The following SYCE1 variants were observed in gnomAD, a reference collection of about 807,000 sequenced individuals.
SYCE1 encodes cancer/testis antigen 76.
Under a neutral mutation model 55.1 loss-of-function variants are expected in SYCE1, and 37 were observed. That is an observed-to-expected ratio of 0.67 (90% CI 0.52 to 0.88). The LOEUF (loss-of-function observed/expected upper bound fraction) is 0.88. Ranked by LOEUF, SYCE1 falls within the 40% of genes least tolerant of loss-of-function variation. The pLI is 0.00. For missense variants in SYCE1, 399 were observed against 416.4 expected (o/e 0.96, Z 0.36); for synonymous variants, 163 against 159.4 (o/e 1.02, Z -0.17).
intron 2 of SYCE1, 97 bp from the exon 3 acceptor site, chr10:133,559,457 T>C (rs41283461): frequency 7.9e-5 from 97 of 1,234,894 alleles, no homozygotes; most frequent in Non-Finnish European, 1.1e-4. Flanking sequence ...ACAGATCTAT[T>C]GAGTACCTCC....
Position 133,558,170 on chromosome 10 carries a change from G to GT in SYCE1, c.315dup (p.Gln106ThrfsTer17), listed in dbSNP as rs763958481. On this transcript the variant is annotated frameshift_variant, in exon 5 of 13. Transcript: ENST00000343131. LOFTEE classifies it high-confidence loss of function. ...GAGACAGGGGAGCGGCAAATACCTT[G>GT]TTTTTTGCTCAAGATCTCCTTCAGG... The GT allele has an allele frequency of 6.8e-6, 11 of 1,614,084 alleles. No homozygotes were observed. The Admixed American group carries it at 1.2e-4, about 17-fold the overall frequency.
downstream of SYCE1, chr10:133,554,737 T>C: frequency 9.3e-7 from 1 of 1,077,842 alleles, no homozygotes; most frequent in Non-Finnish European, 1.4e-6. Context: ...TGTATGCAGG[T>C]GGGTTCCAGA....
At chr10:133,559,958 A>T in intron 2 of SYCE1, 133 bp downstream of exon 2, 2 of 748,836 alleles carry the variant, frequency 2.7e-6, no homozygotes, top group Non-Finnish European at 4.4e-6. Flanking sequence ...TAGTTTAAGT[A>T]ATTAAGTTTT....
At chr10:133,556,935 G>C in intron 7 of SYCE1, 113 bp from the exon 8 acceptor site, 2 of 1,488,664 alleles carry the variant, frequency 1.3e-6, no homozygotes, top group Non-Finnish European at 1.9e-6. Context: ...CATGGTCTCT[G>C]CTCCACTGGG....
chr10:133,566,567 G>T (rs766239767), upstream of SYCE1, among the ~76,000 whole-genome samples: 4 of 124,276 alleles, frequency 3.2e-5, no homozygotes, highest in East Asian at 3.5e-4. Flanking sequence ...CGGGGTAGGG[G>T]TAGGGTTTTA....
In SYCE1 at chr10:133,565,561, G is replaced by C; in HGVS notation, c.-32C>G. 2 of 1,545,758 alleles carry C rather than the reference G, an allele frequency of 1.3e-6. No homozygotes were observed. Among genetic ancestry groups the C allele is most frequent in the Middle Eastern group, 1.7e-4 (1 of 5,978 alleles). On this transcript the variant is annotated 5_prime_UTR_variant, in exon 1 of 13. Coordinates refer to ENST00000343131, the MANE Select transcript of SYCE1 (RefSeq NM_001143764.3). ...TCAGCTCGCCAGCGAGGGTGCCTCGGGAGGGAGCCTCCAGTGGTGATTGGA... is the reference window on the plus strand; with the variant it reads ...TCAGCTCGCCAGCGAGGGTGCCTCGCGAGGGAGCCTCCAGTGGTGATTGGA...
Position 133,555,599 on chromosome 10 carries a change from C to G in SYCE1, c.828G>C (p.Gln276His). Residue 276 changes from glutamine to histidine, a missense_variant and splice_region_variant, in exon 11 of 13, where the codon CAG becomes CAC. Coordinates refer to ENST00000343131, the MANE Select transcript of SYCE1 (RefSeq NM_001143764.3). ...GGGGACAGGGCCTCCACACGCACCT[C>G]TGCCGCTTCTGCTGCTGTTGTTGGC... ...QKCQQQQQKR[Q>H]RLKEELEKHG... The G allele has an allele frequency of 6.2e-7, 1 of 1,604,268 alleles. No homozygotes were observed. Among genetic ancestry groups the G allele is most frequent in the Non-Finnish European group, 8.5e-7 (1 of 1,178,848 alleles).
At chr10:133,555,298 G>T in intron 12 of SYCE1, 53 bp downstream of exon 12, 6 of 1,606,904 alleles carry the variant, frequency 3.7e-6, no homozygotes, top group Non-Finnish European at 5.1e-6. Context: ...CGCCCCTTCC[G>T]CTGTCCCTTC....
intron 1 of SYCE1, 57 bp downstream of exon 1, chr10:133,565,400 T>C: frequency 6.9e-7 from 1 of 1,451,096 alleles, no homozygotes; most frequent in Non-Finnish European, 9.2e-7. Context: ...GCCCCAACCC[T>C]GCCCCGCCTC....
At chr10:133,565,617 AGCGCGCCTGCGCAATGCACTCCTGC>A (rs1851914646), upstream of SYCE1, 5 of 1,368,700 alleles carry the variant, frequency 3.7e-6, no homozygotes, top group Non-Finnish European at 5.0e-6. Flanking sequence ...GACTCCAGGC[AGCGCGCCTGCGCAATGCACTCCTGC>A]GCGCGCCTGG....
rs375785613 is a variant in SYCE1, at chr10:133,557,133, C to T, written c.398G>A (p.Cys133Tyr). The change falls in exon 7 of 13, where the codon TGC (cysteine) becomes TAC (tyrosine). Residue 133 changes from cysteine to tyrosine, a missense_variant. Coordinates refer to ENST00000343131, the MANE Select transcript of SYCE1 (RefSeq NM_001143764.3). ...AHRKHTMLQE[C>Y]KERISALNLQ... ...GTTCAGGGCAGAAATTCTCTCCTTG[C>T]ACTCCTGCAACATGGTGTGCTTCCT... 6.2e-6 allele frequency: 10 copies of T among 1,614,024 alleles called. No homozygotes were observed. The highest frequency in any genetic ancestry group is 1.3e-5 in the African/African-American group (1 of 74,912).
intron 6 of SYCE1, chr10:133,557,562 A>C: frequency 1.9e-6 from 1 of 517,018 alleles, no homozygotes; most frequent in East Asian, 3.4e-5. Context: ...TCAATGCCTA[A>C]ATGAACAGAC....
Position 133,565,517 on chromosome 10 carries a change from A to T in SYCE1, c.13T>A (p.Ser5Thr), listed in dbSNP as rs779961794. MAGR[S>T]LTSKAEPTAG... ...GTGGGCTCGGCCTTCGATGTCAGGG[A>T]CCTCCCCGCCATTTCCTCTCAGCTC... The change falls in exon 1 of 13, where the codon TCC becomes ACC. Residue 5 changes from serine (S) to threonine (T), a missense_variant. Coordinates refer to ENST00000343131, the MANE Select transcript of SYCE1 (RefSeq NM_001143764.3). 20 of 1,547,702 alleles carry T rather than the reference A, an allele frequency of 1.3e-5. No individual in the cohort carries two copies. Among genetic ancestry groups the T allele is most frequent in the Admixed American group, 2.0e-5 (1 of 50,804 alleles).
rs2133616498 is a variant in SYCE1, at chr10:133,556,751, G to A, written c.528+8C>T. The A allele has an allele frequency of 6.4e-7, 1 of 1,559,198 alleles. No homozygotes were observed. The highest frequency in any genetic ancestry group is 1.2e-5 in the South Asian group (1 of 84,714). Reference sequence around the variant, plus strand: ...TGGAAGGGGGAGGAGTGGCTTTGAGGGACTCACGTGGAAGTCCCAGAGGTC... The same window carrying A: ...TGGAAGGGGGAGGAGTGGCTTTGAGAGACTCACGTGGAAGTCCCAGAGGTC... On this transcript the variant is annotated splice_region_variant and intron_variant, in intron 8 of 12. Transcript: ENST00000343131.
chr10:133,557,439 G>A (rs1851713402), intron 6 of SYCE1: 1 of 507,056 alleles, frequency 2.0e-6, no homozygotes. Context: ...GCCAGGGCCT[G>A]GGGCCTCTGG....
chr10:133,555,822 T>C lies in SYCE1; in HGVS notation c.677A>G (p.Asp226Gly). The C allele has an allele frequency of 6.2e-7, 1 of 1,613,736 alleles. No homozygotes were observed. Among genetic ancestry groups the C allele is most frequent in the Non-Finnish European group, 8.5e-7 (1 of 1,179,962 alleles). ...LCGAEGPSTLDEGLFLRSQEA... is the reference protein window; with the variant it reads ...LCGAEGPSTLGEGLFLRSQEA... ...CTGGCTGCGGAGAAAGAGTCCCTCA[T>C]CAAGGGTGGAGGGGCCCTCAGCCCC... The change falls in exon 10 of 13, where the codon GAT becomes GGT. Residue 226 changes from aspartate to glycine, a missense_variant. Coordinates refer to ENST00000343131, the MANE Select transcript of SYCE1 (RefSeq NM_001143764.3).
At chr10:133,558,318 A>G in intron 4 of SYCE1, 104 bp from the exon 5 acceptor site, 1 of 1,338,782 alleles carries the variant, frequency 7.5e-7, no homozygotes. Flanking sequence ...CCTTGGCCCC[A>G]ACCCAAATGT....
chr10:133,555,247 C>G, intron 12 of SYCE1, 104 bp downstream of exon 12: 1 of 1,572,448 alleles, frequency 6.4e-7, no homozygotes, highest in Non-Finnish European at 8.7e-7. Context: ...TCCCCATAGA[C>G]CATCCTCTGA....
chr10:133,554,834 A>C (rs796666878), downstream of SYCE1: 109 of 1,449,984 alleles, frequency 7.5e-5, no homozygotes, highest in African/African-American at 1.4e-3. Context: ...AGAGATGAGC[A>C]ATCCAGAGAC....
Sources: gnomAD v4.1 joint callset for allele counts (sites outside exome capture counted in the v4.1 genomes callset) on GRCh38, gnomAD v4.1.1 for gene constraint, MANE v1.5 for transcripts, NCBI Gene and HGNC (gene_info 2026-07-23, HGNC 2026-07-21) for gene names.